Variants in AVEN observed in about 807,000 individuals in gnomAD.
The protein encoded by AVEN is apoptosis and caspase activation inhibitor.
Under a neutral mutation model 38.1 loss-of-function variants are expected in AVEN, and 41 were observed. The observed-to-expected ratio is 1.08, with a 90% CI of 0.84 to 1.40. The LOEUF is 1.40. Ranked by LOEUF, AVEN falls within the 40% of genes most tolerant of loss-of-function variation. AVEN has a pLI of 0.00. For synonymous variants in AVEN, 206 were observed against 171.8 expected (o/e 1.20, Z -1.56); for missense variants, 605 against 438.8 (o/e 1.38, Z -3.38).
intron 2 of AVEN, among the ~76,000 whole-genome samples, chr15:33,920,213 T>C (rs1244462702): frequency 6.6e-6 from 1 of 152,148 alleles, no homozygotes; most frequent in Non-Finnish European, 1.5e-5. Flanking sequence ...ACATAAAATG[T>C]GCCATCTTAA....
At chr15:34,042,594 G>T (rs994812092), upstream of AVEN, among the ~76,000 whole-genome samples, 1 of 151,442 alleles carries the variant, frequency 6.6e-6, no homozygotes, top group African/African-American at 2.4e-5. Context: ...GTAGAGACGG[G>T]GTTTCTCCAT....
rs188192672 is a variant in AVEN, at chr15:34,021,888, C to A, written c.267+16892G>T. ...AAAATAAAATAAAATAAAATAAGAG[C>A]ACTTCCACATGGCAACATTAACATG... On this transcript the variant is annotated intron_variant, in intron 1 of 5. Coordinates refer to ENST00000306730, the MANE Select transcript of AVEN (RefSeq NM_020371.3). 4.2e-3 allele frequency among the ~76,000 whole-genome samples: 636 copies of A among 152,152 alleles called. 5 individuals are homozygous for A. Among genetic ancestry groups the A allele is most frequent in the African/African-American group, 0.014 (584 of 41,484 alleles).
chr15:33,881,273 A>G (rs1464341496), intron 2 of AVEN, among the ~76,000 whole-genome samples: 1 of 152,044 alleles, frequency 6.6e-6, no homozygotes, highest in Non-Finnish European at 1.5e-5. Flanking sequence ...TTTTGTAGAG[A>G]TGGGGTATTG....
chr15:34,000,932 CA>C (rs1247064239), intron 2 of AVEN, among the ~76,000 whole-genome samples: 1 of 152,044 alleles, frequency 6.6e-6, no homozygotes, highest in Non-Finnish European at 1.5e-5. Flanking sequence ...AGACTCAATC[CA>C]TGCCAGGTTT....
At chr15:34,024,975 G>T (rs140509176) in intron 1 of AVEN, among the ~76,000 whole-genome samples, 1 of 151,884 alleles carries the variant, frequency 6.6e-6, no homozygotes, top group Non-Finnish European at 1.5e-5. Flanking sequence ...CTGAGGTCAG[G>T]ATTTTGAGAC....
intron 2 of AVEN, among the ~76,000 whole-genome samples, chr15:33,880,101 T>C (rs868210558): frequency 2.6e-5 from 4 of 151,924 alleles, no homozygotes; most frequent in African/African-American, 9.7e-5. Flanking sequence ...AAAACCCTCT[T>C]AACAAACAAA....
chr15:34,040,663 C>T (rs1042242493), upstream of AVEN, among the ~76,000 whole-genome samples: 3 of 151,952 alleles, frequency 2.0e-5, no homozygotes, highest in African/African-American at 7.2e-5. Flanking sequence ...GTGTGTGGTT[C>T]GTGCCTGTAA....
chr15:33,944,564 C>A (rs900596036), intron 2 of AVEN, among the ~76,000 whole-genome samples: 1 of 152,124 alleles, frequency 6.6e-6, no homozygotes, highest in African/African-American at 2.4e-5. Context: ...AATCCCAGCA[C>A]TTTGGGAGGC....
At chr15:33,983,198 GTGTATATATA>G (rs1300563350) in intron 2 of AVEN, among the ~76,000 whole-genome samples, 30 of 45,316 alleles carry the variant, frequency 6.6e-4, no homozygotes, top group African/African-American at 4.8e-3. Context: ...GTGTATGTGT[GTGTATATATA>G]TATATACATA....
chr15:33,921,578 G>C (rs946222993), intron 2 of AVEN, among the ~76,000 whole-genome samples: 7 of 152,202 alleles, frequency 4.6e-5, no homozygotes, highest in African/African-American at 1.7e-4. Context: ...GGAAAGGTAA[G>C]TTGGGAGCAG....
chr15:34,029,963 T>C (rs945588384), intron 1 of AVEN, among the ~76,000 whole-genome samples: 1 of 152,042 alleles, frequency 6.6e-6, no homozygotes, highest in Admixed American at 6.6e-5. Context: ...AATAGAACTA[T>C]AAATTCCAAG....
rs376314789 is a variant in AVEN at position 33,993,603 on chromosome 15, T to G, written c.445+9429A>C. Reference sequence around the variant, plus strand: ...GAGTTTTATTCCTTTTATAAAGAGATCTGTAAAATAAAAAATTGATAATAC... The same window carrying G: ...GAGTTTTATTCCTTTTATAAAGAGAGCTGTAAAATAAAAAATTGATAATAC... On this transcript the variant is annotated intron_variant, in intron 2 of 5. Coordinates refer to ENST00000306730, the MANE Select transcript of AVEN (RefSeq NM_020371.3). Among the ~76,000 whole-genome samples the G allele has an allele frequency of 9.8e-5, 15 of 152,306 alleles. No individual in the cohort carries two copies. The East Asian group carries it at 1.5e-3, about 16-fold the overall frequency.
At chr15:34,064,382 G>A in intron 4 of AVEN, 2 of 1,481,314 alleles carry the variant, frequency 1.4e-6, no homozygotes, top group Non-Finnish European at 1.8e-6. Flanking sequence ...TGAGCAAGCT[G>A]ATTCTGGTTT....
At chr15:33,865,083 CTTTTACTGTGGT>C (rs773736266), downstream of AVEN, 1 of 1,483,834 alleles carries the variant, frequency 6.7e-7, no homozygotes, top group East Asian at 2.3e-5. Context: ...TGGGTTTTAG[CTTTTACTGTGGT>C]TTAAAAATAA....
intron 2 of AVEN, among the ~76,000 whole-genome samples, chr15:33,923,577 C>A (rs1893490000): frequency 6.6e-6 from 1 of 152,162 alleles, no homozygotes; most frequent in Non-Finnish European, 1.5e-5. Context: ...CAAAGGCAAT[C>A]AGTCAATAAG....
downstream of AVEN, among the ~76,000 whole-genome samples, chr15:33,855,107 T>C (rs1400354079): frequency 6.6e-6 from 1 of 152,152 alleles, no homozygotes; most frequent in Non-Finnish European, 1.5e-5. Flanking sequence ...GCAACCATCA[T>C]CTAAAAAGCA....
At chr15:33,865,010 G>A (rs896577794), downstream of AVEN, 5 of 679,998 alleles carry the variant, frequency 7.4e-6, no homozygotes, top group Non-Finnish European at 1.0e-5. Flanking sequence ...GAATGTGCAG[G>A]TTTGGCCTCA....
intron 11 of AVEN, chr15:33,859,853 A>G: frequency 9.0e-7 from 1 of 1,114,268 alleles, no homozygotes; most frequent in Non-Finnish European, 1.3e-6. Context: ...TTAATTTAGC[A>G]AGAACTAATT....
chr15:33,911,271 A>C (rs1376742095), intron 2 of AVEN, among the ~76,000 whole-genome samples: 2 of 152,206 alleles, frequency 1.3e-5, no homozygotes, highest in African/African-American at 4.8e-5. Flanking sequence ...CTGTGAAGGC[A>C]GCAGATCAAA....
Sources: allele counts gnomAD v4.1 joint callset (sites outside exome capture counted in the v4.1 genomes callset), GRCh38; gene constraint gnomAD v4.1.1; transcripts MANE v1.5; gene names NCBI Gene and HGNC (gene_info 2026-07-23, HGNC 2026-07-21).